NAV3: variants seen among roughly 807,000 people sequenced by gnomAD.
NAV3 encodes neuron navigator 3, also known as pore membrane and/or filament interacting like protein 1.
Under a neutral mutation model 244.7 loss-of-function variants are expected in NAV3, and 87 were observed. The observed-to-expected ratio is 0.36, with a 90% confidence interval of 0.30 to 0.42. The LOEUF is 0.42. Ranked by LOEUF, NAV3 falls within the 20% of genes least tolerant of loss-of-function variation. NAV3 has a pLI of 1.00. For synonymous variants in NAV3, 1,126 were observed against 1,042.2 expected (o/e 1.08, Z -1.55); for missense variants, 2,663 against 2,893.3 (o/e 0.92, Z 1.83).
At chr12:78,035,807 G>C (rs1349797894) in intron 9 of NAV3, among the ~76,000 whole-genome samples, 2 of 152,138 alleles carry the variant, frequency 1.3e-5, no homozygotes, top group Non-Finnish European at 2.9e-5. Context: ...AGAAGGCTTT[G>C]ACTTTGTTCT....
Position 78,006,688 on chromosome 12 carries a change from A to G in NAV3, c.1150A>G (p.Met384Val), listed in dbSNP as rs758726790. The G allele has an allele frequency of 1.2e-6, 2 of 1,613,932 alleles. No individual in the cohort carries two copies. The highest frequency in any genetic ancestry group is 1.3e-5 in the African/African-American group (1 of 74,882). ...AACTGCTCCCTCAGGACAGAAATCC[A>G]TGCTTGAGAAATTCAAGCTAGTCAA... ...VKTAPSGQKSMLEKFKLVNAR... is the reference protein window; with the variant it reads ...VKTAPSGQKSVLEKFKLVNAR... The change falls in exon 8 of 40, where the codon ATG (methionine) becomes GTG (valine). Residue 384 changes from methionine (M) to valine (V), a missense_variant. Transcript: ENST00000397909.
chr12:78,008,468 G>C (rs995859865), intron 8 of NAV3, among the ~76,000 whole-genome samples: 1 of 152,072 alleles, frequency 6.6e-6, no homozygotes. Flanking sequence ...GAGATGGCCT[G>C]GGGAGCAATA....
intron 2 of NAV3, among the ~76,000 whole-genome samples, chr12:77,739,880 T>C (rs1868295016): frequency 6.6e-6 from 1 of 152,144 alleles, no homozygotes; most frequent in African/African-American, 2.4e-5. Flanking sequence ...AATATTCAAA[T>C]CTAAAAGACA....
chr12:77,776,505 T>A (rs535366944), intron 2 of NAV3, among the ~76,000 whole-genome samples: 1 of 152,298 alleles, frequency 6.6e-6, no homozygotes, highest in Non-Finnish European at 1.5e-5. Context: ...GGTAACAAAT[T>A]CCAGCTATTA....
intron 1 of NAV3, among the ~76,000 whole-genome samples, chr12:77,916,446 C>T (rs1457578591): frequency 6.6e-6 from 1 of 151,826 alleles, no homozygotes; most frequent in East Asian, 1.9e-4. Context: ...TTAATCCTAT[C>T]AAGAGAAGAA....
chr12:78,057,930 G>T (rs1227766630), intron 11 of NAV3, among the ~76,000 whole-genome samples: 1 of 152,116 alleles, frequency 6.6e-6, no homozygotes, highest in African/African-American at 2.4e-5. Context: ...TTTAAAAAAG[G>T]TTCACAGCAA....
Position 78,199,350 on chromosome 12 carries a change from A to C in NAV3, c.6534A>C (p.Ala2178=). Residue 2178 remains alanine (A), a synonymous_variant, in exon 37 of 40, where the codon GCA becomes GCC. Transcript: ENST00000397909. The part of the protein sequence containing the change: ...LHHNFRWVLC[A]NHTEPVKGFL... ...CTTTTTGTAGGTGGGTATTATGTGC[A>C]AATCATACAGAACCAGTGAAAGGCT... The C allele has an allele frequency of 6.2e-7, 1 of 1,603,808 alleles. No individual in the cohort carries two copies. The highest frequency in any genetic ancestry group is 8.5e-7 in the Non-Finnish European group (1 of 1,176,666).
At chr12:77,628,081 T>C (rs972829749) in intron 2 of NAV3, among the ~76,000 whole-genome samples, 5 of 152,152 alleles carry the variant, frequency 3.3e-5, no homozygotes, top group African/African-American at 9.7e-5. Context: ...AGTTCTAGTG[T>C]TTGATAACAC....
At chr12:78,157,251 TGAAAA>T (rs1202056466) in intron 22 of NAV3, among the ~76,000 whole-genome samples, 1 of 151,968 alleles carries the variant, frequency 6.6e-6, no homozygotes, top group African/African-American at 2.4e-5. Flanking sequence ...TTTCCACAGT[TGAAAA>T]GGTAAAGTTC....
At chr12:77,679,745 A>T (rs1874368534) in intron 2 of NAV3, among the ~76,000 whole-genome samples, 1 of 152,174 alleles carries the variant, frequency 6.6e-6, no homozygotes, top group South Asian at 2.1e-4. Flanking sequence ...GGGAAAAGAC[A>T]GCGTCAGAAA....
rs1874135028 is a variant in NAV3, at chr12:77,674,756, CAATT to C, written c.72+102492_72+102495del. On this transcript the variant is annotated intron_variant, in intron 2 of 8. Transcript: ENST00000550042. Reference sequence around the variant, plus strand: ...ATGCATTTATATCCATGCATTCATTCAATTATTATTCATTGAATACTTACTATAT... The same window carrying C: ...ATGCATTTATATCCATGCATTCATTCATTATTCATTGAATACTTACTATAT... 2.0e-5 allele frequency among the ~76,000 whole-genome samples: 3 copies of C among 152,108 alleles called. No homozygotes were observed. The South Asian group carries it at 6.2e-4, about 32-fold the overall frequency.
At chr12:77,925,124 A>C (rs1052254196) in intron 1 of NAV3, among the ~76,000 whole-genome samples, 3 of 152,080 alleles carry the variant, frequency 2.0e-5, no homozygotes, top group African/African-American at 2.4e-5. Context: ...GGGAAAAAAA[A>C]CAAGATTGAC....
At chr12:78,150,674 C>T (rs919809475) in intron 22 of NAV3, among the ~76,000 whole-genome samples, 30 of 145,718 alleles carry the variant, frequency 2.1e-4, no homozygotes, top group African/African-American at 7.8e-4. Flanking sequence ...CACACACATA[C>T]ACACACATAC....
intron 2 of NAV3, among the ~76,000 whole-genome samples, chr12:77,659,238 A>G (rs1318188106): frequency 1.3e-5 from 2 of 151,774 alleles, no homozygotes; most frequent in Non-Finnish European, 2.9e-5. Context: ...TCCAGAATCT[A>G]CAATGAATTC....
intron 11 of NAV3, among the ~76,000 whole-genome samples, chr12:78,054,540 C>T (rs905503044): frequency 2.0e-5 from 3 of 152,122 alleles, no homozygotes; most frequent in Admixed American, 2.0e-4. Context: ...AAAGTGAATT[C>T]AGGGGAGAAA....
chr12:77,945,779 G>A (rs922276681), intron 3 of NAV3, among the ~76,000 whole-genome samples: 5 of 151,646 alleles, frequency 3.3e-5, no homozygotes, highest in African/African-American at 9.6e-5. Flanking sequence ...ACGAAGTCTC[G>A]CTGTGTCGCC....
intron 12 of NAV3, among the ~76,000 whole-genome samples, chr12:78,087,343 A>G (rs1462355184): frequency 1.3e-5 from 2 of 152,060 alleles, no homozygotes; most frequent in Non-Finnish European, 2.9e-5. Flanking sequence ...GCCTAAAGGA[A>G]GATTAAAGAT....
At chr12:78,060,012 G>C (rs1391745388) in intron 12 of NAV3, among the ~76,000 whole-genome samples, 1 of 151,104 alleles carries the variant, frequency 6.6e-6, no homozygotes, top group African/African-American at 2.4e-5. Context: ...TAATTATTTT[G>C]CTGGAAATTG....
chr12:78,199,071 T>A (rs1173916767), intron 36 of NAV3: 7 of 585,306 alleles, frequency 1.2e-5, no homozygotes. Flanking sequence ...TACAGAAGAG[T>A]GATCAGCATT....
Sources: gnomAD v4.1 joint callset for allele counts (sites outside exome capture counted in the v4.1 genomes callset) on GRCh38, gnomAD v4.1.1 for gene constraint, MANE v1.5 for transcripts, NCBI Gene and HGNC (gene_info 2026-07-23, HGNC 2026-07-21) for gene names.